Variants in CHODL observed in about 807,000 individuals in gnomAD.
CHODL encodes transmembrane protein MT75.
CHODL carries 29 observed loss-of-function variants against 34.5 expected under a neutral mutation model. That is an observed-to-expected ratio of 0.84 (90% CI 0.63 to 1.15). CHODL has a LOEUF of 1.15. Ranked by LOEUF, CHODL falls within the 50% of genes most tolerant of loss-of-function variation. CHODL has a pLI of 0.00. For missense variants in CHODL, 332 were observed against 332.5 expected (o/e 1.00, Z 0.01); for synonymous variants, 125 against 116.1 (o/e 1.08, Z -0.49).
intron 2 of CHODL, among the ~76,000 whole-genome samples, chr21:18,028,263 T>TCCC: frequency 1.9e-5 from 1 of 53,034 alleles, no homozygotes; most frequent in African/African-American, 9.3e-5. Context: ...CTTTTCTTTT[T>TCCC]CTTTTTCCTT....
Position 18,211,287 on chromosome 21 carries a change from C to T in CHODL, c.-44-45222C>T, listed in dbSNP as rs149619569. Reference sequence around the variant, plus strand: ...TTCATTTACTGTATATTCCCCCTCTCTGGTTTTGAGCTCTAGAAGGCAGGG... The same window carrying T: ...TTCATTTACTGTATATTCCCCCTCTTTGGTTTTGAGCTCTAGAAGGCAGGG... On this transcript the variant is annotated intron_variant, in intron 2 of 6. Coordinates refer to the CHODL transcript ENST00000400127. Among the ~76,000 whole-genome samples the T allele has an allele frequency of 3.8e-3, 579 of 152,210 alleles. 5 individuals carry two copies. The highest frequency in any genetic ancestry group is 0.012 in the African/African-American group (490 of 41,528).
rs571082800 is a variant in CHODL, at chr21:18,134,804, T to G, written c.-45+106833T>G. 3.9e-5 allele frequency among the ~76,000 whole-genome samples: 6 copies of G among 152,330 alleles called. No homozygotes were observed. In the South Asian group the frequency reaches 1.0e-3, roughly 26 times the overall value. On this transcript the variant is annotated intron_variant, in intron 2 of 6. Coordinates refer to the CHODL transcript ENST00000400127. ...AGCCAAATACTAATAGATCTTTCCT[T>G]TGATCAAGCCATAAAGGATTTAGAA... is the stretch of plus-strand genomic sequence containing the variant.
At chr21:17,934,056 A>G (rs77694470) in intron 1 of CHODL, among the ~76,000 whole-genome samples, 2 of 151,832 alleles carry the variant, frequency 1.3e-5, no homozygotes, top group Non-Finnish European at 1.5e-5. Flanking sequence ...AAAAAAAAAA[A>G]AGAAATAGTA....
chr21:18,006,969 C>T (rs923808875), intron 1 of CHODL, among the ~76,000 whole-genome samples: 1 of 152,156 alleles, frequency 6.6e-6, no homozygotes, highest in South Asian at 2.1e-4. Flanking sequence ...AAATGAGTAA[C>T]AAAGGACTTT....
intron 2 of CHODL, among the ~76,000 whole-genome samples, chr21:18,231,860 CTGTCTTGGTGG>C (rs1387622854): frequency 6.6e-6 from 1 of 151,812 alleles, no homozygotes; most frequent in African/African-American, 2.4e-5. Context: ...ATGGGGATAA[CTGTCTTGGTGG>C]TCCTGGGTAG....
rs145003211 is a variant in CHODL, at chr21:18,110,278, G to A, written c.-45+82307G>A. Among the ~76,000 whole-genome samples, 279 of 152,262 alleles carry A rather than the reference G, an allele frequency of 1.8e-3. 1 individual carries two copies. The highest frequency in any genetic ancestry group is 3.0e-3 in the Non-Finnish European group (205 of 68,022). On this transcript the variant is annotated intron_variant, in intron 2 of 6. Coordinates refer to the CHODL transcript ENST00000400127. ...GTCTCTTGGGTTTGTTCACATCATG[G>A]TGATGTAAAGAGGAATATGTGAATT... is the stretch of plus-strand genomic sequence containing the variant.
At chr21:17,926,408 T>A (rs1391097030) in intron 1 of CHODL, among the ~76,000 whole-genome samples, 1 of 150,686 alleles carries the variant, frequency 6.6e-6, no homozygotes, top group African/African-American at 2.4e-5. Flanking sequence ...AGTGTATTAG[T>A]CCATTCTCAT....
intron 1 of CHODL, among the ~76,000 whole-genome samples, chr21:17,936,767 A>G (rs1600983860): frequency 6.6e-6 from 1 of 152,058 alleles, no homozygotes; most frequent in East Asian, 1.9e-4. Flanking sequence ...AAGGAGAGTA[A>G]ATATCTATTA....
At chr21:18,097,502 G>T (rs905558679) in intron 2 of CHODL, among the ~76,000 whole-genome samples, 4 of 151,822 alleles carry the variant, frequency 2.6e-5, no homozygotes, top group African/African-American at 9.7e-5. Flanking sequence ...AAATACCTAG[G>T]AATTAGCCAT....
At chr21:17,964,570 C>T (rs1353453246) in intron 1 of CHODL, among the ~76,000 whole-genome samples, 2 of 152,082 alleles carry the variant, frequency 1.3e-5, no homozygotes, top group East Asian at 1.9e-4. Context: ...GAATTGGTTC[C>T]AGTATATTTC....
intron 1 of CHODL, among the ~76,000 whole-genome samples, chr21:18,021,554 A>G (rs1005373173): frequency 9.2e-5 from 14 of 152,196 alleles, no homozygotes; most frequent in African/African-American, 3.4e-4. Flanking sequence ...TTGTATGTTA[A>G]TAAATCATCT....
intron 1 of CHODL, among the ~76,000 whole-genome samples, chr21:17,954,628 C>T (rs1476212629): frequency 1.5e-5 from 2 of 135,066 alleles, no homozygotes; most frequent in African/African-American, 5.0e-5. Flanking sequence ...GCAGCTGGTC[C>T]TCAGGCCTTT....
intron 1 of CHODL, among the ~76,000 whole-genome samples, chr21:17,988,814 T>C (rs1344756427): frequency 6.6e-6 from 1 of 151,836 alleles, no homozygotes; most frequent in African/African-American, 2.4e-5. Flanking sequence ...GACATTTGGG[T>C]TGGTTCAAAG....
chr21:18,162,437 T>C (rs75820589), intron 2 of CHODL, among the ~76,000 whole-genome samples: 5 of 85,864 alleles, frequency 5.8e-5, no homozygotes, highest in African/African-American at 2.3e-4. Flanking sequence ...CTCTCTCTCT[T>C]TCTCTTTCTC....
chr21:18,226,018 G>C (rs1382306365), intron 2 of CHODL, among the ~76,000 whole-genome samples: 1 of 152,118 alleles, frequency 6.6e-6, no homozygotes, highest in Admixed American at 6.6e-5. Context: ...TGTAAGCAAA[G>C]GAATCTAGCC....
At chr21:17,964,372 C>T (rs747284417) in intron 1 of CHODL, among the ~76,000 whole-genome samples, 2 of 152,208 alleles carry the variant, frequency 1.3e-5, no homozygotes, top group Non-Finnish European at 2.9e-5. Context: ...CGCACACATG[C>T]GTGCACGTGC....
intron 1 of CHODL, among the ~76,000 whole-genome samples, chr21:17,923,731 G>C (rs1017840823): frequency 6.6e-6 from 1 of 152,130 alleles, no homozygotes; most frequent in Non-Finnish European, 1.5e-5. Flanking sequence ...AAAGTACTGG[G>C]ATTACAGGCC....
At chr21:18,039,786 T>A (rs2064353157) in intron 2 of CHODL, among the ~76,000 whole-genome samples, 1 of 151,802 alleles carries the variant, frequency 6.6e-6, no homozygotes, top group Admixed American at 6.6e-5. Context: ...CATGCCTTTT[T>A]TAAAAAAATT....
intron 2 of CHODL, among the ~76,000 whole-genome samples, chr21:18,047,439 G>A (rs951954258): frequency 5.3e-5 from 8 of 152,010 alleles, no homozygotes; most frequent in Admixed American, 3.3e-4. Flanking sequence ...ATTAAAAATG[G>A]AATCTTTTCA....
Sources: gnomAD v4.1 joint callset for allele counts (sites outside exome capture counted in the v4.1 genomes callset) on GRCh38, gnomAD v4.1.1 for gene constraint, MANE v1.5 for transcripts, NCBI Gene and HGNC (gene_info 2026-07-23, HGNC 2026-07-21) for gene names.